The following RASAL2 variants were observed in gnomAD, a reference collection of about 807,000 sequenced individuals.
RASAL2 encodes the protein ras GTPase-activating protein nGAP.
RASAL2 carries 58 observed loss-of-function variants against 128.9 expected under a neutral mutation model. The observed-to-expected ratio is 0.45, with a 90% confidence interval of 0.36 to 0.56. The LOEUF (loss-of-function observed/expected upper bound fraction) is 0.56, where lower values mean the gene tolerates loss of function less well. Ranked by LOEUF, RASAL2 falls within the 20% of genes least tolerant of loss-of-function variation. The pLI, the probability that RASAL2 is intolerant of heterozygous loss-of-function variation, is 0.00. For missense variants in RASAL2, 1,360 were observed against 1,601.6 expected (o/e 0.85, Z 2.57); for synonymous variants, 561 against 580.8 (o/e 0.97, Z 0.49).
At chr1:178,133,792 T>G (rs1392052546) in intron 1 of RASAL2, among the ~76,000 whole-genome samples, 1 of 152,200 alleles carries the variant, frequency 6.6e-6, no homozygotes, top group Non-Finnish European at 1.5e-5. Context: ...TGCCTCTCTT[T>G]CTTACTGTAC....
intron 4 of RASAL2, among the ~76,000 whole-genome samples, chr1:178,395,771 G>GTATATATATATATA (rs57664965): frequency 3.0e-5 from 4 of 133,016 alleles, no homozygotes; most frequent in African/African-American, 6.9e-5. Context: ...TTAATGAACA[G>GTATATATATATATA]TATATATATA....
chr1:178,434,474 TTCA>T (rs1055693309), intron 5 of RASAL2, among the ~76,000 whole-genome samples: 1 of 152,170 alleles, frequency 6.6e-6, no homozygotes, highest in African/African-American at 2.4e-5. Context: ...AATATCCTTC[TTCA>T]TCATTACCAG....
chr1:178,207,215 A>G (rs1363956070), intron 1 of RASAL2, among the ~76,000 whole-genome samples: 1 of 151,890 alleles, frequency 6.6e-6, no homozygotes, highest in African/African-American at 2.4e-5. Flanking sequence ...TACTGATGTT[A>G]TGTAAAAAGA....
At chr1:178,302,605 G>C (rs1667814972) in intron 3 of RASAL2, among the ~76,000 whole-genome samples, 1 of 152,134 alleles carries the variant, frequency 6.6e-6, no homozygotes, top group Admixed American at 6.5e-5. Flanking sequence ...CAAAATTTCT[G>C]TCCCCATCCT....
intron 1 of RASAL2, among the ~76,000 whole-genome samples, chr1:178,180,627 A>G (rs980314127): frequency 6.7e-6 from 1 of 149,000 alleles, no homozygotes; most frequent in African/African-American, 2.5e-5. Context: ...CGATCACAGC[A>G]CTGCATTCAA....
At chr1:178,336,538 G>A (rs1669592769) in intron 3 of RASAL2, among the ~76,000 whole-genome samples, 1 of 151,968 alleles carries the variant, frequency 6.6e-6, no homozygotes, top group Admixed American at 6.6e-5. Flanking sequence ...CTTTAGTTGT[G>A]ACAGCACATT....
chr1:178,277,104 C>T (rs4644452), intron 1 of RASAL2, among the ~76,000 whole-genome samples: 7,085 of 144,480 alleles, frequency 0.049, 243 homozygotes, highest in African/African-American at 0.1. Flanking sequence ...GCTGAGATCG[C>T]GCCACTGCAC....
chr1:178,448,293 A>G (rs1381348200), intron 9 of RASAL2, among the ~76,000 whole-genome samples: 2 of 152,224 alleles, frequency 1.3e-5, no homozygotes. Flanking sequence ...GTAAAGAAAA[A>G]GAATGGATAT....
chr1:178,457,903 C>T lies in RASAL2; in HGVS notation c.2611C>T (p.Pro871Ser). ...GCATGCATCTGTCATGCTTGATGTG[C>T]CTATACGCTTGACCGGAAGCCAGCT... Reference protein sequence around the residue: ...VEHASVMLDVPIRLTGSQLSI... With the variant: ...VEHASVMLDVSIRLTGSQLSI... The change falls in exon 14 of 18, where the codon CCT becomes TCT. Residue 871 changes from proline to serine, a missense_variant. Transcript: ENST00000367649. The T allele has an allele frequency of 6.2e-7, 1 of 1,614,164 alleles. No individual in the cohort carries two copies. The highest frequency in any genetic ancestry group is 8.5e-7 in the Non-Finnish European group (1 of 1,180,020).
At chr1:178,398,877 C>T (rs146201500) in intron 4 of RASAL2, among the ~76,000 whole-genome samples, 35 of 152,256 alleles carry the variant, frequency 2.3e-4, no homozygotes, top group African/African-American at 6.5e-4. Context: ...TTACTGACTT[C>T]GCTTATCAGT....
intron 3 of RASAL2, chr1:178,372,115 T>G (rs1671752318): frequency 1.0e-6 from 1 of 953,996 alleles, no homozygotes; most frequent in Non-Finnish European, 1.2e-6. Flanking sequence ...CATTTTCTCT[T>G]TCATCATTAC....
intron 1 of RASAL2, among the ~76,000 whole-genome samples, chr1:178,129,170 T>A (rs1660006404): frequency 1.3e-5 from 2 of 152,178 alleles, no homozygotes; most frequent in Non-Finnish European, 2.9e-5. Flanking sequence ...CAAATTGTTT[T>A]CTATAGCAGC....
chr1:178,458,087 C>G lies in RASAL2; in HGVS notation c.2795C>G (p.Pro932Arg). ...AACCCTGTCTATCACCTCAATAACC[C>G]AATTCCAGCAATGCCAAAGGCCTCT... ...FQNPVYHLNN[P>R]IPAMPKASID... The change falls in exon 14 of 18, where the codon CCA becomes CGA. Residue 932 changes from proline (P) to arginine (R), a missense_variant. Pro to Arg is a moderately radical substitution (Grantham distance 103). Around this residue, in one of 3 missense-constraint regions of RASAL2, gnomAD observed 741 missense variants for 868.6 expected, o/e 0.85. Coordinates refer to ENST00000367649, the MANE Select transcript of RASAL2 (RefSeq NM_170692.4). The G allele has an allele frequency of 6.2e-7, 1 of 1,614,168 alleles. No individual in the cohort carries two copies.
intron 1 of RASAL2, among the ~76,000 whole-genome samples, chr1:178,175,542 T>C (rs1232904841): frequency 6.6e-6 from 1 of 152,120 alleles, no homozygotes; most frequent in African/African-American, 2.4e-5. Flanking sequence ...TTTTAAACTT[T>C]TTAAAATTTC....
chr1:178,125,791 T>C (rs1448418066), intron 1 of RASAL2, among the ~76,000 whole-genome samples: 1 of 152,200 alleles, frequency 6.6e-6, no homozygotes, highest in Non-Finnish European at 1.5e-5. Flanking sequence ...CATTTTAGAC[T>C]AATTGCGTAA....
chr1:178,345,065 T>C (rs1670079903), intron 3 of RASAL2, among the ~76,000 whole-genome samples: 1 of 152,186 alleles, frequency 6.6e-6, no homozygotes, highest in Admixed American at 6.5e-5. Context: ...CTTTGTCCTC[T>C]CTGGTACCCT....
At chr1:178,135,004 C>T (rs1355005625) in intron 1 of RASAL2, among the ~76,000 whole-genome samples, 1 of 152,154 alleles carries the variant, frequency 6.6e-6, no homozygotes, top group Non-Finnish European at 1.5e-5. Context: ...AGAAAAATGC[C>T]TAGGAAAGCT....
chr1:178,433,958 T>C (rs1410662705), intron 5 of RASAL2, among the ~76,000 whole-genome samples: 2 of 152,090 alleles, frequency 1.3e-5, no homozygotes, highest in African/African-American at 4.8e-5. Flanking sequence ...CACCAGTTTT[T>C]TTCCTCTCTT....
At chr1:178,154,424 C>G (rs1661014464) in intron 1 of RASAL2, among the ~76,000 whole-genome samples, 1 of 152,162 alleles carries the variant, frequency 6.6e-6, no homozygotes, top group African/African-American at 2.4e-5. Context: ...GCTGGGATTA[C>G]AGCAGTGGGC....
Sources: gnomAD v4.1 joint callset for allele counts (sites outside exome capture counted in the v4.1 genomes callset) on GRCh38, gnomAD v4.1.1 for gene constraint, gnomAD v4.1.1 regional missense constraint, MANE v1.5 for transcripts, NCBI Gene and HGNC (gene_info 2026-07-23, HGNC 2026-07-21) for gene names.